The following MEGF9 variants were observed in gnomAD, a reference collection of about 807,000 sequenced individuals.
The protein encoded by MEGF9 is multiple EGF like domains 9.
Under a neutral mutation model 46.8 loss-of-function variants are expected in MEGF9, and 6 were observed. That is an observed-to-expected ratio of 0.13 (90% confidence interval 0.07 to 0.25). The LOEUF (loss-of-function observed/expected upper bound fraction) is 0.25, where lower values mean the gene tolerates loss of function less well. Ranked by LOEUF, MEGF9 falls within the 10% of genes least tolerant of loss-of-function variation. The pLI, the probability that MEGF9 is intolerant of heterozygous loss-of-function variation, is 1.00. For missense variants in MEGF9, 683 were observed against 792.4 expected, an observed-to-expected ratio of 0.86 and a Z score of 1.66; for synonymous variants, 302 against 330.7, an observed-to-expected ratio of 0.91 and a Z score of 0.94.
At chr9:120,690,191 C>T (rs1336405959) in intron 1 of MEGF9, among the ~76,000 whole-genome samples, 1 of 152,090 alleles carries the variant, frequency 6.6e-6, no homozygotes, top group African/African-American at 2.4e-5. Flanking sequence ...GAGGGAATGG[C>T]ATACAAAACT....
chr9:120,663,193 A>G (rs1476580962), intron 1 of MEGF9, among the ~76,000 whole-genome samples: 2 of 152,222 alleles, frequency 1.3e-5, no homozygotes, highest in Admixed American at 1.3e-4. Flanking sequence ...GGAAGAGAAT[A>G]CAAAGTAAAC....
intron 2 of MEGF9, among the ~76,000 whole-genome samples, chr9:120,655,998 C>A (rs750739093): frequency 6.6e-6 from 1 of 152,136 alleles, no homozygotes; most frequent in Admixed American, 6.5e-5. Flanking sequence ...TTATAATGAT[C>A]TGCCAAAACA....
intron 2 of MEGF9, among the ~76,000 whole-genome samples, chr9:120,657,598 T>A (rs890356557): frequency 6.6e-6 from 1 of 152,214 alleles, no homozygotes; most frequent in Non-Finnish European, 1.5e-5. Context: ...GACACCAGAA[T>A]GAACAAACTT....
chr9:120,691,388 A>G (rs1205691465), intron 1 of MEGF9: 1 of 449,788 alleles, frequency 2.2e-6, no homozygotes, highest in Non-Finnish European at 4.5e-6. Context: ...TCCACAATAC[A>G]AAAGTTTTTA....
At position 120,714,144 on chromosome 9, in the gene MEGF9, G is replaced by C; in HGVS notation, c.215C>G (p.Ala72Gly). The C allele has an allele frequency of 8.1e-7, 1 of 1,236,008 alleles. No individual in the cohort carries two copies. The highest frequency in any genetic ancestry group is 1.0e-6 in the Non-Finnish European group (1 of 990,390). The allele number at this position is 1,236,008 out of a possible 1,614,324, so 76.6% of individuals were successfully genotyped here. Reference protein sequence around the residue: ...EPSHPFPRATAPTAQAPRTGP... With the variant: ...EPSHPFPRATGPTAQAPRTGP... ...GGTCCTCGGGGCCTGGGCCGTGGGA[G>C]CCGTCGCCCTAGGGAAGGGGTGGCT... Residue 72 changes from alanine (A) to glycine (G), a missense_variant, in exon 1 of 6, where the codon GCT becomes GGT. Physicochemically the swap from Ala to Gly is moderately conservative, Grantham distance 60. Coordinates refer to ENST00000373930, the MANE Select transcript of MEGF9 (RefSeq NM_001080497.3).
intron 1 of MEGF9, among the ~76,000 whole-genome samples, chr9:120,672,189 C>G (rs2132328513): frequency 6.6e-6 from 1 of 152,196 alleles, no homozygotes; most frequent in East Asian, 1.9e-4. Flanking sequence ...AGATCAGGAA[C>G]AAGGCAAGAA....
chr9:120,647,934 T>C (rs984264908), intron 2 of MEGF9, among the ~76,000 whole-genome samples: 1 of 152,194 alleles, frequency 6.6e-6, no homozygotes, highest in Non-Finnish European at 1.5e-5. Context: ...TCTCTTTCTC[T>C]TTCTCTCTCT....
At chr9:120,632,665 C>A (rs2043555866) in intron 2 of MEGF9, among the ~76,000 whole-genome samples, 1 of 152,136 alleles carries the variant, frequency 6.6e-6, no homozygotes. Context: ...GCATCCTTGT[C>A]TTTTTCCAGT....
intron 2 of MEGF9, among the ~76,000 whole-genome samples, chr9:120,635,685 C>G (rs374416931): frequency 2.0e-5 from 3 of 151,780 alleles, no homozygotes; most frequent in Admixed American, 1.3e-4. Flanking sequence ...TTTATGATTT[C>G]TATCTCTGTT....
At chr9:120,651,622 A>G (rs1287797790) in intron 2 of MEGF9, among the ~76,000 whole-genome samples, 5 of 151,950 alleles carry the variant, frequency 3.3e-5, no homozygotes, top group Admixed American at 6.5e-5. Context: ...ATTCTAAAAT[A>G]TATAGCATTC....
intron 2 of MEGF9, among the ~76,000 whole-genome samples, chr9:120,629,810 G>C (rs2043542678): frequency 6.6e-6 from 1 of 152,100 alleles, no homozygotes; most frequent in Non-Finnish European, 1.5e-5. Context: ...GCACGCACCT[G>C]TAGTCCCAGC....
At chr9:120,681,552 A>T (rs2043798784) in intron 1 of MEGF9, among the ~76,000 whole-genome samples, 1 of 152,012 alleles carries the variant, frequency 6.6e-6, no homozygotes, top group South Asian at 2.1e-4. Flanking sequence ...TTTATAATAA[A>T]AATGGGTTAT....
chr9:120,667,404 A>G (rs1021749550), intron 1 of MEGF9, among the ~76,000 whole-genome samples: 4 of 152,200 alleles, frequency 2.6e-5, no homozygotes, highest in Non-Finnish European at 5.9e-5. Flanking sequence ...CCCATGTACA[A>G]TGAGGGAGAA....
At chr9:120,646,925 T>G (rs1184490912) in intron 2 of MEGF9, among the ~76,000 whole-genome samples, 8 of 152,056 alleles carry the variant, frequency 5.3e-5, no homozygotes, top group Admixed American at 4.6e-4. Context: ...AGAGGGGAGC[T>G]TCTCACAAAA....
chr9:120,666,619 A>G (rs143625900), intron 1 of MEGF9, among the ~76,000 whole-genome samples: 2 of 152,336 alleles, frequency 1.3e-5, no homozygotes, highest in African/African-American at 4.8e-5. Flanking sequence ...TACCTTTACT[A>G]TATGACCCAG....
At chr9:120,691,231 T>C (rs1215055833) in intron 1 of MEGF9, among the ~76,000 whole-genome samples, 1 of 152,122 alleles carries the variant, frequency 6.6e-6, no homozygotes, top group African/African-American at 2.4e-5. Context: ...CAATCAAGTC[T>C]CTAGATTTAG....
chr9:120,611,864 A>AGGAAGGAAGGAAGG (rs1564411701), intron 4 of MEGF9, among the ~76,000 whole-genome samples: 18 of 124,888 alleles, frequency 1.4e-4, no homozygotes, highest in African/African-American at 6.2e-4. Flanking sequence ...AGGAAGGAAG[A>AGGAAGGAAGGAAGG]AAGAGAGAGA....
intron 1 of MEGF9, among the ~76,000 whole-genome samples, chr9:120,694,245 A>T (rs544064651): frequency 6.6e-6 from 1 of 152,242 alleles, no homozygotes; most frequent in African/African-American, 2.4e-5. Context: ...TCTGGGTTTG[A>T]ATCCCAGCTA....
chr9:120,665,639 C>T (rs1217035132), intron 1 of MEGF9, among the ~76,000 whole-genome samples: 2 of 152,130 alleles, frequency 1.3e-5, no homozygotes, highest in African/African-American at 4.8e-5. Flanking sequence ...CCACAAATAG[C>T]AGGATTTCAT....
Sources: gnomAD v4.1 joint callset for allele counts (sites outside exome capture counted in the v4.1 genomes callset) on GRCh38, gnomAD v4.1.1 for gene constraint, MANE v1.5 for transcripts, NCBI Gene and HGNC (gene_info 2026-07-23, HGNC 2026-07-21) for gene names.